RBFOX3: variants seen among roughly 807,000 people sequenced by gnomAD.
RBFOX3 encodes the protein RNA binding protein fox-1 homolog 3.
RBFOX3 carries 17 observed loss-of-function variants against 48.7 expected under a neutral mutation model. That is an observed-to-expected ratio of 0.35 (90% confidence interval 0.24 to 0.52). The LOEUF (loss-of-function observed/expected upper bound fraction) is 0.52. RBFOX3 is among the 20% of genes least tolerant of loss of function. The pLI, the probability that RBFOX3 is intolerant of heterozygous loss-of-function variation, is 0.94. For missense variants in RBFOX3, 382 were observed against 497.5 expected (o/e 0.77, Z 2.21); for synonymous variants, 212 against 209.5 (o/e 1.01, Z -0.10).
chr17:79,103,054 C>A lies in RBFOX3; in HGVS notation c.507+108G>T. On this transcript the variant is annotated intron_variant, in intron 8 of 14. Coordinates refer to ENST00000693108, the MANE Select transcript of RBFOX3 (RefSeq NM_001350451.2). This position sits in a 1 kb window ranked among gnomAD's most constrained non-coding sequence, Gnocchi z 6.1. Reference sequence around the variant, plus strand: ...TTCCTCCCACCCCAGGGAACCCTGGCCAGGCTCTCTGAAGGGTGCGGCAGT... The same window carrying A: ...TTCCTCCCACCCCAGGGAACCCTGGACAGGCTCTCTGAAGGGTGCGGCAGT... 1 of 834,752 alleles carries A rather than the reference C, an allele frequency of 1.2e-6. No individual in the cohort carries two copies. The highest frequency in any genetic ancestry group is 1.6e-5 in the South Asian group (1 of 62,950). The allele number at this position is 834,752 out of a possible 1,614,324, so 51.7% of individuals were successfully genotyped here.
chr17:79,537,524 G>C (rs1424501501), intron 1 of RBFOX3, among the ~76,000 whole-genome samples: 6 of 152,270 alleles, frequency 3.9e-5, no homozygotes, highest in Middle Eastern at 3.4e-3. Flanking sequence ...CAATGCCAAG[G>C]GGGGACAGTG....
chr17:79,437,550 G>T (rs1181499622), intron 2 of RBFOX3, among the ~76,000 whole-genome samples: 1 of 152,208 alleles, frequency 6.6e-6, no homozygotes, highest in Non-Finnish European at 1.5e-5. Flanking sequence ...TAGGAGCTGG[G>T]CCCCCAGGCC....
chr17:79,357,200 T>G (rs547960608), intron 2 of RBFOX3, among the ~76,000 whole-genome samples: 6 of 152,334 alleles, frequency 3.9e-5, no homozygotes, highest in African/African-American at 1.4e-4. Flanking sequence ...TGTACGCACA[T>G]GTAGAGTGTC....
chr17:79,375,784 C>T (rs993243689), intron 2 of RBFOX3, among the ~76,000 whole-genome samples: 6 of 152,218 alleles, frequency 3.9e-5, no homozygotes, highest in Non-Finnish European at 7.3e-5. Flanking sequence ...CTGCAGGACA[C>T]GGCCCCTCAC....
At chr17:79,343,333 G>A (rs528925980) in intron 2 of RBFOX3, among the ~76,000 whole-genome samples, 16 of 152,044 alleles carry the variant, frequency 1.1e-4, no homozygotes, top group Admixed American at 3.3e-4. Context: ...TGAGACCAAC[G>A]TGATGAAACC....
At position 79,536,784 on chromosome 17, in the gene RBFOX3, G is replaced by A. The variant is rs551027575; in HGVS notation, c.-319-54186C>T. ...CGTAACAAATCACCACAAACTCACC[G>A]GCTTAAAGCAACAGACATTTGGCCG... On this transcript the variant is annotated intron_variant, in intron 1 of 14. Transcript: ENST00000693108. Among the ~76,000 whole-genome samples the A allele has an allele frequency of 5.3e-5, 8 of 152,312 alleles. No individual in the cohort carries two copies. The South Asian group carries it at 8.3e-4, about 16-fold the overall frequency.
chr17:79,595,217 G>A (rs1209188574), intron 1 of RBFOX3, among the ~76,000 whole-genome samples: 8 of 152,074 alleles, frequency 5.3e-5, no homozygotes, highest in African/African-American at 1.7e-4. Flanking sequence ...AAGGTGCAAG[G>A]TCAAGCTTGC....
chr17:79,629,166 C>T, the RBFOX3 span, among the ~76,000 whole-genome samples: 1 of 152,322 alleles, frequency 6.6e-6, no homozygotes, highest in East Asian at 1.9e-4. Context: ...ATAACAAGTC[C>T]ACCTGGTAAG....
At chr17:79,442,101 A>ACGGC (rs1282503967) in intron 2 of RBFOX3, among the ~76,000 whole-genome samples, 4 of 150,626 alleles carry the variant, frequency 2.7e-5, no homozygotes, top group African/African-American at 9.8e-5. Flanking sequence ...CTGACCATCC[A>ACGGC]CGGCCCTCTC....
At chr17:79,152,977 G>T (rs1366806653) in intron 4 of RBFOX3, among the ~76,000 whole-genome samples, 1 of 152,170 alleles carries the variant, frequency 6.6e-6, no homozygotes, top group Non-Finnish European at 1.5e-5. Context: ...AGGTGGCTGC[G>T]GTCGGGTGGG....
At chr17:79,617,689 T>C in the RBFOX3 span, among the ~76,000 whole-genome samples, 2 of 152,162 alleles carry the variant, frequency 1.3e-5, no homozygotes, top group Non-Finnish European at 2.9e-5. Flanking sequence ...CCTATTTTTC[T>C]CCCCAATGAG....
rs969063830 is a variant in RBFOX3 at position 79,362,167 on chromosome 17, C to A, written c.-174-54343G>T. ...CCACGGGCCACGGCCAAGCGCTGAGCCAACAGAGTTTGCCTCCTGCCTCAC... is the reference window on the plus strand; with the variant it reads ...CCACGGGCCACGGCCAAGCGCTGAGACAACAGAGTTTGCCTCCTGCCTCAC... On this transcript the variant is annotated intron_variant, in intron 2 of 14. Coordinates refer to ENST00000693108, the MANE Select transcript of RBFOX3 (RefSeq NM_001350451.2). The surrounding 1 kb of genome is among the most constrained non-coding windows in gnomAD (Gnocchi z 4.2). Among the ~76,000 whole-genome samples the A allele has an allele frequency of 6.6e-6, 1 of 152,246 alleles. No homozygotes were observed. The highest frequency in any genetic ancestry group is 2.4e-5 in the African/African-American group (1 of 41,468).
the RBFOX3 span, among the ~76,000 whole-genome samples, chr17:79,639,140 A>T: frequency 2.6e-5 from 4 of 151,990 alleles, no homozygotes; most frequent in East Asian, 7.7e-4. Context: ...AAGAGGGAAC[A>T]CTTCCAAGCT....
intron 2 of RBFOX3, among the ~76,000 whole-genome samples, chr17:79,462,267 C>T (rs1047319772): frequency 2.0e-5 from 3 of 152,202 alleles, no homozygotes; most frequent in African/African-American, 7.2e-5. Flanking sequence ...GCACAGGCTG[C>T]CTGAGCCTGA....
chr17:79,365,127 G>GCA (rs71365559), intron 2 of RBFOX3, among the ~76,000 whole-genome samples: 21,025 of 150,798 alleles, frequency 0.14, 1,816 homozygotes, highest in Non-Finnish European at 0.2. Context: ...CTGGATGTGC[G>GCA]CACACACACA....
chr17:79,223,491 A>C (rs566940835), intron 4 of RBFOX3, among the ~76,000 whole-genome samples: 1 of 152,278 alleles, frequency 6.6e-6, no homozygotes, highest in East Asian at 1.9e-4. Context: ...TGAGCAGACC[A>C]CTTCCACACA....
Position 79,313,267 on chromosome 17 carries a change from G to A in RBFOX3, c.-174-5443C>T, listed in dbSNP as rs555415566. Among the ~76,000 whole-genome samples the A allele has an allele frequency of 1.3e-4, 20 of 152,282 alleles. No individual in the cohort carries two copies. The South Asian group carries it at 1.9e-3, about 14-fold the overall frequency. On this transcript the variant is annotated intron_variant, in intron 2 of 14. Transcript: ENST00000693108. ...GGGCAGGCAGGGCTGGGGGAGGCTCGACCTGGCTCCAGGGGCTTTCTTAGT... is the reference window on the plus strand; with the variant it reads ...GGGCAGGCAGGGCTGGGGGAGGCTCAACCTGGCTCCAGGGGCTTTCTTAGT...
At chr17:79,132,102 G>T (rs1050527057) in intron 4 of RBFOX3, among the ~76,000 whole-genome samples, 1 of 152,036 alleles carries the variant, frequency 6.6e-6, no homozygotes, top group Non-Finnish European at 1.5e-5. Context: ...GGTGCAGAGC[G>T]GGGTGCTGGG....
At chr17:79,246,245 G>A (rs2063154595) in intron 3 of RBFOX3, among the ~76,000 whole-genome samples, 1 of 152,198 alleles carries the variant, frequency 6.6e-6, no homozygotes, top group African/African-American at 2.4e-5. Flanking sequence ...TGATGCCACA[G>A]GGGGCTGTGT....
Sources: gnomAD v4.1 joint callset for allele counts (sites outside exome capture counted in the v4.1 genomes callset) on GRCh38, gnomAD v4.1.1 for gene constraint, Gnocchi (gnomAD v3.1) non-coding constraint, MANE v1.5 for transcripts, NCBI Gene and HGNC (gene_info 2026-07-23, HGNC 2026-07-21) for gene names.